ONECUT3: variants seen among roughly 807,000 people sequenced by gnomAD.
The protein encoded by ONECUT3 is one cut domain family member 3.
Under a neutral mutation model 16.8 loss-of-function variants are expected in ONECUT3, and 11 were observed. That is an observed-to-expected ratio of 0.66 (90% confidence interval 0.41 to 1.09). The LOEUF is 1.09. Ranked by LOEUF, ONECUT3 falls within the 50% of genes least tolerant of loss-of-function variation. ONECUT3 has a pLI of 0.00. For missense variants in ONECUT3, 637 were observed against 629.9 expected (o/e 1.01, Z -0.12); for synonymous variants, 344 against 310.7 (o/e 1.11, Z -1.13).
intron 1 of ONECUT3, among the ~76,000 whole-genome samples, chr19:1,765,376 C>T (rs2067977248): frequency 6.6e-6 from 1 of 152,208 alleles, no homozygotes; most frequent in Non-Finnish European, 1.5e-5. Flanking sequence ...ATCCTCCCTC[C>T]CAGCCAGCAG....
At chr19:1,767,002 G>T (rs1332795457) in intron 1 of ONECUT3, among the ~76,000 whole-genome samples, 2 of 151,818 alleles carry the variant, frequency 1.3e-5, no homozygotes, top group African/African-American at 4.8e-5. Flanking sequence ...GCTGCGGGGG[G>T]AGGGAGGGAC....
In ONECUT3 at chr19:1,754,271, CAA is replaced by C; in HGVS notation, c.610_611del (p.Asn204ArgfsTer271). On this transcript the variant is annotated frameshift_variant, in exon 1 of 2. Transcript: ENST00000382349. LOFTEE classifies it high-confidence loss of function. The surrounding 1 kb of genome is among the most constrained non-coding windows in gnomAD (Gnocchi z 7.4). Reference protein sequence around the residue: ...AMGSPLSPLPNALPPALHGAP... With the variant: ...AMGSPLSPLPXALPPALHGAP... The stretch of plus-strand genomic sequence containing the variant: ...TGGGGTCGCCGCTGTCGCCGCTGCC[CAA>C]CGCGCTGCCGCCCGCGCTGCACGGC... 1 of 1,061,386 alleles carries C rather than the reference CAA, an allele frequency of 9.4e-7. No homozygotes were observed. Among genetic ancestry groups the C allele is most frequent in the Non-Finnish European group, 1.1e-6 (1 of 882,606 alleles). 65.7% of individuals were successfully genotyped at this position (1,061,386 alleles called of 1,614,324 possible). A position where few individuals can be genotyped will look rare whatever the true frequency, so the allele number is the denominator to read the frequency against.
At chr19:1,770,265 G>C (rs1353288470) in intron 1 of ONECUT3, among the ~76,000 whole-genome samples, 8 of 151,988 alleles carry the variant, frequency 5.3e-5, no homozygotes, top group Non-Finnish European at 8.8e-5. Flanking sequence ...GTTTGTGGGG[G>C]TTTTTTGTTT....
intron 1 of ONECUT3, among the ~76,000 whole-genome samples, chr19:1,760,209 C>T (rs187948830): frequency 8.5e-5 from 13 of 152,340 alleles, no homozygotes; most frequent in Non-Finnish European, 1.6e-4. Context: ...GCTTCTGATG[C>T]GGAGTCAGCT....
At position 1,754,326 on chromosome 19, in the gene ONECUT3, C is replaced by A; in HGVS notation, c.664C>A (p.Pro222Thr). The A allele has an allele frequency of 2.8e-6, 3 of 1,060,962 alleles. No individual in the cohort carries two copies. The highest frequency in any genetic ancestry group is 2.3e-6 in the Non-Finnish European group (2 of 882,540). 65.7% of individuals were successfully genotyped at this position (1,060,962 alleles called of 1,614,324 possible). Residue 222 changes from proline (P) to threonine (T), a missense_variant, in exon 1 of 2, where the codon CCC (proline) becomes ACC (threonine). Around this residue, in one of 3 missense-constraint regions of ONECUT3, gnomAD observed 419 missense variants for 377.9 expected, o/e 1.11. Transcript: ENST00000382349. The surrounding 1 kb of genome is among the most constrained non-coding windows in gnomAD (Gnocchi z 7.4). ...CCCGCAGCCCCCGCCGCCGCCACCA[C>A]CCCCGCCGCTGGCCGCCTACGGCCC... ...GAPQPPPPPP[P>T]PPLAAYGPPG... is the part of the protein sequence containing the mutation.
intron 1 of ONECUT3, among the ~76,000 whole-genome samples, chr19:1,756,710 T>G (rs1196661939): frequency 6.8e-6 from 1 of 146,654 alleles, no homozygotes; most frequent in Non-Finnish European, 1.5e-5. Flanking sequence ...TTTTTTTTTT[T>G]TTTTTTTTTG....
chr19:1,775,166 G>A lies in ONECUT3; in HGVS notation c.1206G>A (p.Lys402=). The change falls in exon 2 of 2, where the codon AAG becomes AAA. Residue 402 remains lysine (K), a synonymous_variant. Coordinates refer to ENST00000382349, the MANE Select transcript of ONECUT3 (RefSeq NM_001080488.2). ...GCTCGCCCGCAGCCTGCAAGCGCAA[G>A]GAACAGGAGCAGCAGAAGGAGCGCG... The part of the protein sequence containing the change: ...SALRLAACKR[K]EQEQQKERAL... 7.3e-7 allele frequency: 1 copy of A among 1,365,062 alleles called. No homozygotes were observed. Among genetic ancestry groups the A allele is most frequent in the Non-Finnish European group, 9.8e-7 (1 of 1,024,116 alleles). The allele number at this position is 1,365,062 out of a possible 1,614,324, so 84.6% of individuals were successfully genotyped here.
rs1166189178 is a variant in ONECUT3, at chr19:1,759,377, C to T, written c.1192+4523C>T. Among the ~76,000 whole-genome samples the T allele has an allele frequency of 6.6e-6, 1 of 151,188 alleles. No individual in the cohort carries two copies. The highest frequency in any genetic ancestry group is 6.6e-5 in the Admixed American group (1 of 15,176). Reference sequence around the variant, plus strand: ...CATCAAGGGCTGAGGTTGAAATGGGCGAGGCAATCTGGGAGTCCCCCTTAA... The same window carrying T: ...CATCAAGGGCTGAGGTTGAAATGGGTGAGGCAATCTGGGAGTCCCCCTTAA... On this transcript the variant is annotated intron_variant, in intron 1 of 1. Coordinates refer to ENST00000382349, the MANE Select transcript of ONECUT3 (RefSeq NM_001080488.2). The surrounding 1 kb of genome is among the most constrained non-coding windows in gnomAD (Gnocchi z 4.1).
chr19:1,758,494 C>A lies in ONECUT3; in HGVS notation c.1192+3640C>A, dbSNP rs2067929678. On this transcript the variant is annotated intron_variant, in intron 1 of 1. Transcript: ENST00000382349. This position sits in a 1 kb window ranked among gnomAD's most constrained non-coding sequence, Gnocchi z 5.9. The stretch of plus-strand genomic sequence containing the variant: ...AGCACGCAAGAAATCCCACCGCAGA[C>A]CTCGGAGTCCCGGCCCCACTGCCCG... Among the ~76,000 whole-genome samples, 1 of 152,158 alleles carries A rather than the reference C, an allele frequency of 6.6e-6. No homozygotes were observed. Among genetic ancestry groups the A allele is most frequent in the Non-Finnish European group, 1.5e-5 (1 of 68,046 alleles).
intron 1 of ONECUT3, among the ~76,000 whole-genome samples, chr19:1,757,197 G>T (rs1042174372): frequency 1.3e-5 from 2 of 152,078 alleles, no homozygotes; most frequent in African/African-American, 4.8e-5. Flanking sequence ...AGTGGACACC[G>T]CCTGCTTCGC....
chr19:1,771,241 T>G (rs2145966329), intron 1 of ONECUT3, among the ~76,000 whole-genome samples: 1 of 152,312 alleles, frequency 6.6e-6, no homozygotes, highest in South Asian at 2.1e-4. Flanking sequence ...AGGGTCCCCC[T>G]CATCCTGATT....
chr19:1,761,333 A>T (rs2067945300), intron 1 of ONECUT3, among the ~76,000 whole-genome samples: 1 of 152,106 alleles, frequency 6.6e-6, no homozygotes, highest in South Asian at 2.1e-4. Context: ...GATGACAGGC[A>T]TGAACCACCG....
chr19:1,776,383 C>G lies in ONECUT3; in HGVS notation c.*938C>G, dbSNP rs1010231133. 5 of 152,244 alleles carry G rather than the reference C, an allele frequency of 3.3e-5. No homozygotes were observed. The highest frequency in any genetic ancestry group is 1.2e-4 in the African/African-American group (5 of 41,464). 9.4% of individuals were successfully genotyped at this position (152,244 alleles called of 1,614,324 possible). ...GCGCCGCTGGGGCCGCCCGGAGGAG[C>G]CCCTCTGCACGGGCCCGTGGAGACG... On this transcript the variant is annotated 3_prime_UTR_variant, in exon 2 of 2. Coordinates refer to ENST00000382349, the MANE Select transcript of ONECUT3 (RefSeq NM_001080488.2). This position sits in a 1 kb window ranked among gnomAD's most constrained non-coding sequence, Gnocchi z 4.9.
Position 1,755,164 on chromosome 19 carries a change from C to T in ONECUT3, c.1192+310C>T, listed in dbSNP as rs1463695948. Among the ~76,000 whole-genome samples the T allele has an allele frequency of 6.6e-6, 1 of 152,164 alleles. No individual in the cohort carries two copies. The highest frequency in any genetic ancestry group is 1.5e-5 in the Non-Finnish European group (1 of 68,030). On this transcript the variant is annotated intron_variant, in intron 1 of 1. Transcript: ENST00000382349. The surrounding 1 kb of genome is among the most constrained non-coding windows in gnomAD (Gnocchi z 7.5). ...GGGAGGCTCCGAGCCTCTCCCCAAG[C>T]AGCCCTCAGGGAAGCTCATTGTGTG...
chr19:1,777,433 C>G lies in ONECUT3; in HGVS notation c.*1988C>G, dbSNP rs1045074494. On this transcript the variant is annotated 3_prime_UTR_variant, in exon 2 of 2. Transcript: ENST00000382349. ...ACACATGCAAAGACACGCATGCAGG[C>G]ACACGCAGACGCACACAGAGACACA... 6 of 135,042 alleles carry G rather than the reference C, an allele frequency of 4.4e-5. No homozygotes were observed. Among genetic ancestry groups the G allele is most frequent in the Non-Finnish European group, 7.8e-5 (5 of 64,260 alleles). 8.4% of individuals were successfully genotyped at this position (135,042 alleles called of 1,614,324 possible).
In ONECUT3 at chr19:1,769,027, G is replaced by A. The variant is rs2068026531; in HGVS notation, c.1193-6126G>A. Among the ~76,000 whole-genome samples, 6 of 149,536 alleles carry A rather than the reference G, an allele frequency of 4.0e-5. No homozygotes were observed. In the South Asian group the frequency reaches 1.3e-3, roughly 32 times the overall value. The stretch of plus-strand genomic sequence containing the variant: ...TGGAGGTGGTGGAGGTGGAAGTGGA[G>A]GTGGAGGTGACGGTGGAGGTGGTGG... On this transcript the variant is annotated intron_variant, in intron 1 of 1. Coordinates refer to ENST00000382349, the MANE Select transcript of ONECUT3 (RefSeq NM_001080488.2).
rs2067911012 is a variant in ONECUT3, at chr19:1,755,328, G to A, written c.1192+474G>A. Among the ~76,000 whole-genome samples the A allele has an allele frequency of 6.6e-6, 1 of 152,172 alleles. No homozygotes were observed. On this transcript the variant is annotated intron_variant, in intron 1 of 1. Coordinates refer to ENST00000382349, the MANE Select transcript of ONECUT3 (RefSeq NM_001080488.2). This position sits in a 1 kb window ranked among gnomAD's most constrained non-coding sequence, Gnocchi z 7.5. ...GTTGAGCCCCCAGCCCCGGGCCACA[G>A]AGCTCCGAGACGTTGCGGCGGGCGC...
intron 1 of ONECUT3, among the ~76,000 whole-genome samples, chr19:1,769,026 AGGT>A (rs2068026556): frequency 8.7e-6 from 1 of 115,034 alleles, no homozygotes. Context: ...GTGGAAGTGG[AGGT>A]GGAGGTGACG....
Position 1,754,367 on chromosome 19 carries a change from TG to T in ONECUT3, c.709del (p.Asp237ThrfsTer98), listed in dbSNP as rs1168369247. 1.8e-6 allele frequency: 2 copies of T among 1,099,000 alleles called. No homozygotes were observed. Among genetic ancestry groups the T allele is most frequent in the South Asian group, 2.5e-5 (1 of 40,486 alleles). 68.1% of individuals were successfully genotyped at this position (1,099,000 alleles called of 1,614,324 possible). The part of the protein sequence containing the change: ...AAYGPPGHLA[G>X]DKLLPPAAFE... ...CCTACGGCCCGCCAGGCCACCTGGC[TG>T]GGGACAAGCTGCTGCCGCCCGCCGC... On this transcript the variant is annotated frameshift_variant, in exon 1 of 2. Transcript: ENST00000382349. LOFTEE classifies it high-confidence loss of function. The surrounding 1 kb of genome is among the most constrained non-coding windows in gnomAD (Gnocchi z 7.4).
Sources: gnomAD v4.1 joint callset for allele counts (sites outside exome capture counted in the v4.1 genomes callset) on GRCh38, gnomAD v4.1.1 for gene constraint, gnomAD v4.1.1 regional missense constraint, Gnocchi (gnomAD v3.1) non-coding constraint, MANE v1.5 for transcripts, NCBI Gene and HGNC (gene_info 2026-07-23, HGNC 2026-07-21) for gene names.